Variants in RHCE observed in about 807,000 individuals in gnomAD.
RHCE encodes the protein Rh blood group CcEe antigens, also known as blood group Rh(CE) polypeptide.
A neutral mutation model predicts 43.8 loss-of-function variants in RHCE; 22 were observed. That is an observed-to-expected ratio of 0.50 (90% confidence interval 0.36 to 0.72). The LOEUF (loss-of-function observed/expected upper bound fraction) is 0.72. Ranked by LOEUF, RHCE falls within the 30% of genes least tolerant of loss-of-function variation. The pLI is 0.00. For synonymous variants in RHCE, 156 were observed against 210.7 expected (o/e 0.74, Z 2.25); for missense variants, 385 against 525.4 (o/e 0.73, Z 2.61).
At chr1:25,416,818 G>GC (rs1553161335) in intron 1 of RHCE, among the ~76,000 whole-genome samples, 3 of 92,322 alleles carry the variant, frequency 3.2e-5, no homozygotes, top group South Asian at 2.8e-4. Flanking sequence ...TTTAGAGATG[G>GC]CGGGGGGGGG....
chr1:25,373,865 C>G (rs954555939), intron 8 of RHCE, among the ~76,000 whole-genome samples: 21 of 149,416 alleles, frequency 1.4e-4, no homozygotes, highest in Non-Finnish European at 1.5e-5. Flanking sequence ...CAGTCTCACT[C>G]TGTCACCTAG....
chr1:25,425,429 G>A (rs1362225917), upstream of RHCE, among the ~76,000 whole-genome samples: 1 of 152,180 alleles, frequency 6.6e-6, no homozygotes, highest in Non-Finnish European at 1.5e-5. Context: ...CTAATAAACG[G>A]CAGAGGTGGG....
At chr1:25,424,065 C>T (rs1479861806), upstream of RHCE, among the ~76,000 whole-genome samples, 20 of 152,240 alleles carry the variant, frequency 1.3e-4, no homozygotes, top group Non-Finnish European at 2.2e-4. Flanking sequence ...TTTCACTTTC[C>T]GTACAGTACT....
rs939255827 is a variant in RHCE, at chr1:25,408,929, A to G, written c.149-60T>C. On this transcript the variant is annotated intron_variant, in intron 1 of 9. Coordinates refer to ENST00000294413, the MANE Select transcript of RHCE (RefSeq NM_020485.8). The stretch of plus-strand genomic sequence containing the variant: ...GGAAGCAGACGAGATTTAGGGTGGT[A>G]TGAAATTAGAGTCTTACTAAATGGC... 19 of 1,135,720 alleles carry G rather than the reference A, an allele frequency of 1.7e-5. 3 individuals carry two copies. Among genetic ancestry groups the G allele is most frequent in the Non-Finnish European group, 2.0e-5 (17 of 833,156 alleles). The allele number at this position is 1,135,720 out of a possible 1,614,324, so 70.4% of individuals were successfully genotyped here. A position where few individuals can be genotyped will look rare whatever the true frequency, so the allele number is the denominator to read the frequency against.
intron 3 of RHCE, among the ~76,000 whole-genome samples, chr1:25,401,948 T>G (rs555892729): frequency 2.0e-5 from 3 of 152,066 alleles, no homozygotes; most frequent in Non-Finnish European, 4.4e-5. Context: ...GCGATCTCAG[T>G]TCACTGCAAC....
rs630612 is a variant in RHCE, at chr1:25,370,501, A to T, written c.1193T>A (p.Val398Glu). Reference protein sequence around the residue: ...LNLKIWKAPHVAKYFDDQVFW... With the variant: ...LNLKIWKAPHEAKYFDDQVFW... ...AACTTGGTCATCAAAATATTTAGCC[A>T]CATGAGGTGCTTTCCATATTTTGAG... The change falls in exon 9 of 10, where the codon GTG (valine) becomes GAG (glutamate). Residue 398 changes from valine to glutamate, a missense_variant. Val to Glu is a moderately radical substitution (Grantham distance 121). Coordinates refer to ENST00000294413, the MANE Select transcript of RHCE (RefSeq NM_020485.8). The T allele has an allele frequency of 8.2e-5, 133 of 1,612,684 alleles. 3 individuals are homozygous for T. The East Asian group carries it at 2.0e-3, about 24-fold the overall frequency.
chr1:25,427,629 G>A (rs1043025516), intron 2 of RHCE, among the ~76,000 whole-genome samples: 7 of 152,214 alleles, frequency 4.6e-5, no homozygotes, highest in Non-Finnish European at 1.5e-5. Context: ...GTATGGAGAT[G>A]GGCAGTCCTG....
chr1:25,422,875 C>G (rs1175850531), upstream of RHCE, among the ~76,000 whole-genome samples: 1 of 152,194 alleles, frequency 6.6e-6, no homozygotes, highest in Admixed American at 6.5e-5. Flanking sequence ...ACCTAGATCC[C>G]TCTCATGCGC....
rs1288135858 is a variant in RHCE, at chr1:25,420,661, C to T, written c.126G>A (p.Lys42=). ...THYDASLEDQ[K]GLVASYQVGQ... ...CACCTTGATAGGATGCCACGAGCCCCTTTTGATCCTCTAAGGAAGCGTCAT... is the reference window on the plus strand; with the variant it reads ...CACCTTGATAGGATGCCACGAGCCCTTTTTGATCCTCTAAGGAAGCGTCAT... Residue 42 remains lysine (K), a synonymous_variant, in exon 1 of 10, where the codon AAG becomes AAA. Coordinates refer to ENST00000294413, the MANE Select transcript of RHCE (RefSeq NM_020485.8). 1 of 1,613,742 alleles carries T rather than the reference C, an allele frequency of 6.2e-7. No individual in the cohort carries two copies. Among genetic ancestry groups the T allele is most frequent in the Non-Finnish European group, 8.5e-7 (1 of 1,179,854 alleles).
chr1:25,390,663 C>T (rs551541269), intron 5 of RHCE, 86 bp downstream of exon 5: 21 of 1,492,556 alleles, frequency 1.4e-5, no homozygotes, highest in African/African-American at 5.5e-5. Context: ...TCCCAACCCA[C>T]GCTGGCCCTG....
chr1:25,378,658 C>T (rs1412757580), intron 7 of RHCE, among the ~76,000 whole-genome samples: 1 of 152,182 alleles, frequency 6.6e-6, no homozygotes, highest in Non-Finnish European at 1.5e-5. Context: ...ACTTCCTGCC[C>T]ATTAGTGGAT....
At chr1:25,397,111 C>CAAA (rs151106139) in intron 3 of RHCE, among the ~76,000 whole-genome samples, 75 of 57,598 alleles carry the variant, frequency 1.3e-3, no homozygotes, top group South Asian at 2.3e-3. Context: ...GACTCTGTCT[C>CAAA]AAAAAAAAAA....
intron 2 of RHCE, among the ~76,000 whole-genome samples, chr1:25,407,162 A>T (rs1376909338): frequency 8.2e-6 from 1 of 122,626 alleles, no homozygotes; most frequent in East Asian, 4.1e-4. Context: ...GGCTCAAGTG[A>T]TCTGCCCACC....
chr1:25,380,526 C>T lies in RHCE; in HGVS notation c.1074-5098G>A, dbSNP rs556959280. ...TCTACTAGGGGCTCTCTGGGGTGGC[C>T]GTTCACAGCACCCTTTGAAATGTAG... On this transcript the variant is annotated intron_variant, in intron 7 of 9. Transcript: ENST00000294413. Among the ~76,000 whole-genome samples the T allele has an allele frequency of 2.3e-4, 35 of 152,310 alleles. 1 individual carries two copies. Among genetic ancestry groups the T allele is most frequent in the East Asian group, 2.1e-3 (11 of 5,180 alleles).
intron 7 of RHCE, among the ~76,000 whole-genome samples, chr1:25,381,230 CT>C (rs747079803): frequency 9.9e-5 from 15 of 152,122 alleles, no homozygotes; most frequent in Non-Finnish European, 1.6e-4. Context: ...ATCTTTGCTT[CT>C]TTATAAAAAG....
At chr1:25,397,726 C>T (rs1458934418) in intron 3 of RHCE, among the ~76,000 whole-genome samples, 1 of 150,900 alleles carries the variant, frequency 6.6e-6, no homozygotes, top group African/African-American at 2.4e-5. Context: ...CCTTCCCTCT[C>T]GGCTCCTTGA....
chr1:25,397,119 A>G (rs1246655067), intron 3 of RHCE, among the ~76,000 whole-genome samples: 1 of 147,836 alleles, frequency 6.8e-6, no homozygotes. Flanking sequence ...CTCAAAAAAA[A>G]AAAAAAAAAA....
chr1:25,370,915 A>AT lies in RHCE; in HGVS notation c.1154-376dup, dbSNP rs77875421. Among the ~76,000 whole-genome samples the AT allele has an allele frequency of 8.6e-3, 1,073 of 124,762 alleles. 26 individuals carry two copies. The highest frequency in any genetic ancestry group is 0.024 in the African/African-American group (780 of 32,860). 81.8% of individuals were successfully genotyped at this position (124,762 alleles called of 152,430 possible). A position where few individuals can be genotyped will look rare whatever the true frequency, so the allele number is the denominator to read the frequency against. ...AGGCGCCTGCCACCACATCCAGCTA[A>AT]TTTTTTTTTTTTTTTTTTTTTAGTA... On this transcript the variant is annotated intron_variant, in intron 8 of 9. Transcript: ENST00000294413.
intron 7 of RHCE, among the ~76,000 whole-genome samples, chr1:25,379,451 GTATATATATATATATATATATATATATA>G (rs1189074254): frequency 3.9e-5 from 2 of 50,998 alleles, no homozygotes; most frequent in East Asian, 8.2e-4. Flanking sequence ...TAGCACCAAA[GTATATATATATATATATATATATATATA>G]TATATATATA....
Sources: gnomAD v4.1 joint callset for allele counts (sites outside exome capture counted in the v4.1 genomes callset) on GRCh38, gnomAD v4.1.1 for gene constraint, MANE v1.5 for transcripts, NCBI Gene and HGNC (gene_info 2026-07-23, HGNC 2026-07-21) for gene names.